The following GNPAT variants were observed in gnomAD, a reference collection of about 807,000 sequenced individuals.
GNPAT encodes the protein dihydroxyacetone phosphate acyltransferase.
Under a neutral mutation model 78.4 loss-of-function variants are expected in GNPAT, and 30 were observed. The observed-to-expected ratio is 0.38, with a 90% CI of 0.29 to 0.52. The LOEUF (loss-of-function observed/expected upper bound fraction) is 0.52. GNPAT is among the 20% of genes least tolerant of loss of function. The pLI is 0.84. For missense variants in GNPAT, 714 were observed against 812.2 expected (o/e 0.88, Z 1.47); for synonymous variants, 271 against 281.1 (o/e 0.96, Z 0.36).
chr1:231,262,659 A>G lies in GNPAT; in HGVS notation c.439-64A>G, dbSNP rs142268276. 151 of 1,290,424 alleles carry G rather than the reference A, an allele frequency of 1.2e-4. 1 individual carries two copies. The African/African-American group carries it at 2.1e-3, about 18-fold the overall frequency. 79.9% of individuals were successfully genotyped at this position (1,290,424 alleles called of 1,614,324 possible). A position where few individuals can be genotyped will look rare whatever the true frequency, so the allele number is the denominator to read the frequency against. On this transcript the variant is annotated intron_variant, in intron 3 of 15. Transcript: ENST00000366647. ...TATAGACTTATTCTTCCGTTTTCTG[A>G]TTTGAGATGTGATTTGATAACATGA...
chr1:231,272,370 C>A lies in GNPAT; in HGVS notation c.1581C>A (p.Phe527Leu). 1 of 1,579,988 alleles carries A rather than the reference C, an allele frequency of 6.3e-7. No individual in the cohort carries two copies. The highest frequency in any genetic ancestry group is 2.2e-5 in the East Asian group (1 of 44,548). The change falls in exon 11 of 16, where the codon TTC (phenylalanine) becomes TTA (leucine). Residue 527 changes from phenylalanine to leucine, a missense_variant. Physicochemically the swap from Phe to Leu is conservative, Grantham distance 22 (BLOSUM62 0). Transcript: ENST00000366647. Reference sequence around the variant, plus strand: ...ATGTTTTTGCAGATGAGTTCATCTTCCTTCCAGGAAACACACTAAAGGTAA... The same window carrying A: ...ATGTTTTTGCAGATGAGTTCATCTTACTTCCAGGAAACACACTAAAGGTAA... Reference protein sequence around the residue: ...LRDVFADEFIFLPGNTLKDFE... With the variant: ...LRDVFADEFILLPGNTLKDFE...
intron 2 of GNPAT, 136 bp from the exon 3 acceptor site, chr1:231,260,371 T>TAG (rs34912601): frequency 3.0e-5 from 18 of 600,148 alleles, no homozygotes; most frequent in Non-Finnish European, 4.5e-5. Context: ...GTTGGGAAGT[T>TAG]GTCAATTAAG....
chr1:231,260,825 T>A, intron 3 of GNPAT, 142 bp downstream of exon 3: 1 of 652,220 alleles, frequency 1.5e-6, no homozygotes, highest in Non-Finnish European at 2.7e-6. Context: ...GCCTAGGGCC[T>A]AATCATCAGG....
Position 231,247,487 on chromosome 1 carries a change from C to T in GNPAT, c.79-3474C>T, listed in dbSNP as rs77806740. ...GTGAAGACTGAAAGGAAAGGATGAC[C>T]TGTTCAATCTAGGTAAAGGGGAGAA... On this transcript the variant is annotated intron_variant, in intron 1 of 15. Transcript: ENST00000366647. 8.9e-4 allele frequency among the ~76,000 whole-genome samples: 135 copies of T among 152,274 alleles called. 3 individuals are homozygous for T. The East Asian group carries it at 0.02, about 22-fold the overall frequency.
At chr1:231,253,432 C>T (rs957398558) in intron 2 of GNPAT, among the ~76,000 whole-genome samples, 1 of 152,230 alleles carries the variant, frequency 6.6e-6, no homozygotes, top group Non-Finnish European at 1.5e-5. Flanking sequence ...GCTTTAAATT[C>T]GCCTCTAATG....
chr1:231,246,028 AAG>A (rs1414779958), intron 1 of GNPAT, among the ~76,000 whole-genome samples: 1 of 152,240 alleles, frequency 6.6e-6, no homozygotes, highest in African/African-American at 2.4e-5. Context: ...GTTTTTAAAA[AAG>A]GTAATAAATA....
intron 11 of GNPAT, among the ~76,000 whole-genome samples, chr1:231,273,484 T>C (rs887046898): frequency 5.3e-5 from 8 of 151,998 alleles, no homozygotes; most frequent in Admixed American, 4.6e-4. Context: ...ATCTCCTGAC[T>C]TCATGATCCG....
At chr1:231,260,761 T>G in intron 3 of GNPAT, 78 bp downstream of exon 3, 1 of 990,776 alleles carries the variant, frequency 1.0e-6, no homozygotes, top group South Asian at 1.4e-5. Flanking sequence ...CAGTCTCTTT[T>G]TCAACCCCTC....
chr1:231,265,155 A>C (rs1374062709), intron 4 of GNPAT, 138 bp from the exon 5 acceptor site: 1 of 707,996 alleles, frequency 1.4e-6, no homozygotes, highest in African/African-American at 1.8e-5. Flanking sequence ...GAAGTTTGTG[A>C]CCAACCTAGC....
chr1:231,265,863 T>A, intron 6 of GNPAT, 76 bp downstream of exon 6: 1 of 1,082,124 alleles, frequency 9.2e-7, no homozygotes, highest in Non-Finnish European at 1.4e-6. Context: ...ACGCTTTATT[T>A]AACAAGATAT....
intron 9 of GNPAT, among the ~76,000 whole-genome samples, chr1:231,269,665 G>C (rs946363594): frequency 2.0e-5 from 3 of 152,194 alleles, no homozygotes; most frequent in African/African-American, 7.2e-5. Flanking sequence ...CAAGTAGCAA[G>C]TGTTGGATGT....
intron 1 of GNPAT, among the ~76,000 whole-genome samples, chr1:231,250,247 C>G (rs1313991491): frequency 1.3e-5 from 2 of 151,858 alleles, no homozygotes; most frequent in Non-Finnish European, 2.9e-5. Flanking sequence ...GCCACCATGC[C>G]CAGCCAAGAC....
rs564721699 is a variant in GNPAT at position 231,270,687 on chromosome 1, G to T, written c.1280-71G>T. ...CATCTGTCACGTTACCATTAATAAC[G>T]TTAACGTACGCTAGGCCTAAGACTC... is the stretch of plus-strand genomic sequence containing the variant. On this transcript the variant is annotated intron_variant, in intron 9 of 15. Coordinates refer to ENST00000366647, the MANE Select transcript of GNPAT (RefSeq NM_014236.4). 2.0e-6 allele frequency: 3 copies of T among 1,469,918 alleles called. No homozygotes were observed. The East Asian group carries it at 6.8e-5, about 33-fold the overall frequency. The allele number at this position is 1,469,918 out of a possible 1,614,324, so 91.1% of individuals were successfully genotyped here.
At position 231,266,116 on chromosome 1, in the gene GNPAT, T is replaced by C. The variant is rs769796071; in HGVS notation, c.875T>C (p.Leu292Pro). ...ISYDKILEETLYVYELLGVPK... is the reference protein window; with the variant it reads ...ISYDKILEETPYVYELLGVPK... Reference sequence around the variant, plus strand: ...TATGATAAGATCTTGGAAGAAACTCTTTATGTGTATGAGCTTCTAGGGGTT... The same window carrying C: ...TATGATAAGATCTTGGAAGAAACTCCTTATGTGTATGAGCTTCTAGGGGTT... Residue 292 changes from leucine (L) to proline (P), a missense_variant, in exon 7 of 16, where the codon CTT (leucine) becomes CCT (proline). Physicochemically the swap from Leu to Pro is moderately conservative, Grantham distance 98. Transcript: ENST00000366647. 1.2e-6 allele frequency: 2 copies of C among 1,612,048 alleles called. No homozygotes were observed. Among genetic ancestry groups the C allele is most frequent in the East Asian group, 2.2e-5 (1 of 44,866 alleles).
At chr1:231,268,133 T>A (rs1038640485) in intron 9 of GNPAT, among the ~76,000 whole-genome samples, 16 of 152,030 alleles carry the variant, frequency 1.1e-4, no homozygotes, top group Admixed American at 7.2e-4. Context: ...AAACCCCGTC[T>A]CTACTAAAAA....
chr1:231,266,177 T>C lies in GNPAT; in HGVS notation c.924+12T>C. On this transcript the variant is annotated intron_variant, in intron 7 of 15. Transcript: ENST00000366647. ...AAGAGTCTACAACTGTACGTGAGCT[T>C]GATTTTAGCTTAATTGAGAGAATGT... The C allele has an allele frequency of 6.2e-7, 1 of 1,613,378 alleles. No individual in the cohort carries two copies. Among genetic ancestry groups the C allele is most frequent in the Non-Finnish European group, 8.5e-7 (1 of 1,179,492 alleles).
chr1:231,272,128 C>G (rs1010583076), intron 10 of GNPAT, among the ~76,000 whole-genome samples, 184 bp from the exon 11 acceptor site: 1 of 152,052 alleles, frequency 6.6e-6, no homozygotes, highest in African/African-American at 2.4e-5. Flanking sequence ...TATGCTAGAC[C>G]GTAGTTTGCT....
In GNPAT at chr1:231,260,328, C is replaced by A. The variant is rs549665620; in HGVS notation, c.262-179C>A. 2.0e-5 allele frequency among the ~76,000 whole-genome samples: 3 copies of A among 151,852 alleles called. No homozygotes were observed. In the East Asian group the frequency reaches 5.8e-4, roughly 29 times the overall value. On this transcript the variant is annotated intron_variant, in intron 2 of 15. Coordinates refer to ENST00000366647, the MANE Select transcript of GNPAT (RefSeq NM_014236.4). ...CTTTTAATTTCTGGCCTTTAAACTT[C>A]TTTAAATAGGCTCATTTATCTACTA...
chr1:231,241,959 C>T (rs1405157770), intron 1 of GNPAT, among the ~76,000 whole-genome samples: 2 of 152,210 alleles, frequency 1.3e-5, no homozygotes, highest in African/African-American at 4.8e-5. Context: ...AAATTTAGAA[C>T]TTCTAGACAT....
Sources: allele counts gnomAD v4.1 joint callset (sites outside exome capture counted in the v4.1 genomes callset), GRCh38; gene constraint gnomAD v4.1.1; transcripts MANE v1.5; gene names NCBI Gene and HGNC (gene_info 2026-07-23, HGNC 2026-07-21).